The following ROBO1 variants were observed in gnomAD, a reference collection of about 807,000 sequenced individuals.
The protein encoded by ROBO1 is roundabout homolog 1.
In ROBO1, 149 loss-of-function variants were observed where a neutral mutation model predicts 195.9. That is an observed-to-expected ratio of 0.76 (90% CI 0.67 to 0.87). ROBO1 has a LOEUF of 0.87. Among genes scored for constraint, ROBO1 ranks in the 40% least tolerant of loss-of-function variants. The pLI is 0.00. For synonymous variants in ROBO1, 816 were observed against 733.2 expected, an observed-to-expected ratio of 1.11 and a Z score of -1.82; for missense variants, 1,933 against 2,068.3, an observed-to-expected ratio of 0.93 and a Z score of 1.27.
chr3:79,120,881 G>T (rs1424471766), intron 3 of ROBO1, among the ~76,000 whole-genome samples: 1 of 152,094 alleles, frequency 6.6e-6, no homozygotes, highest in Non-Finnish European at 1.5e-5. Flanking sequence ...AACAAATAAA[G>T]TGACAGTAAG....
chr3:79,561,619 G>T (rs1431929212), intron 2 of ROBO1, among the ~76,000 whole-genome samples: 1 of 152,228 alleles, frequency 6.6e-6, no homozygotes, highest in African/African-American at 2.4e-5. Flanking sequence ...AAGGCAACTT[G>T]GTCAGATTTA....
At chr3:78,991,534 T>A (rs1471426198) in intron 3 of ROBO1, among the ~76,000 whole-genome samples, 1 of 152,212 alleles carries the variant, frequency 6.6e-6, no homozygotes. Flanking sequence ...TAGCTGACCC[T>A]TTCCCAGTGA....
chr3:79,320,676 T>C (rs2033941790), intron 2 of ROBO1, among the ~76,000 whole-genome samples: 1 of 152,150 alleles, frequency 6.6e-6, no homozygotes, highest in Non-Finnish European at 1.5e-5. Flanking sequence ...AATCATTCAG[T>C]CCATAAGAAA....
chr3:78,789,562 A>G (rs1424568788), intron 4 of ROBO1, among the ~76,000 whole-genome samples: 1 of 152,174 alleles, frequency 6.6e-6, no homozygotes, highest in Non-Finnish European at 1.5e-5. Context: ...GGTCTCAGAA[A>G]TCCTGTATGT....
chr3:79,255,610 G>T (rs2082819535), intron 2 of ROBO1, among the ~76,000 whole-genome samples: 1 of 152,122 alleles, frequency 6.6e-6, no homozygotes, highest in Non-Finnish European at 1.5e-5. Flanking sequence ...GTGTCACTGT[G>T]TTTTCTCACT....
intron 8 of ROBO1, among the ~76,000 whole-genome samples, chr3:78,713,833 A>T (rs1413371642): frequency 2.0e-5 from 3 of 152,248 alleles, no homozygotes; most frequent in Non-Finnish European, 4.4e-5. Flanking sequence ...TACAACTGCA[A>T]TTCGTTCAAT....
intron 3 of ROBO1, among the ~76,000 whole-genome samples, chr3:79,119,066 G>A (rs544818567): frequency 8.8e-4 from 134 of 152,154 alleles, no homozygotes; most frequent in African/African-American, 2.9e-3. Flanking sequence ...AATTACTAAC[G>A]AGAAATATCT....
chr3:79,627,326 G>A (rs1260495473), intron 1 of ROBO1, among the ~76,000 whole-genome samples: 4 of 152,122 alleles, frequency 2.6e-5, no homozygotes, highest in Non-Finnish European at 5.9e-5. Context: ...GAATAGAACA[G>A]AGACCTCAGA....
At chr3:78,654,945 G>A (rs1330203412) in intron 18 of ROBO1, among the ~76,000 whole-genome samples, 1 of 151,878 alleles carries the variant, frequency 6.6e-6, no homozygotes, top group Non-Finnish European at 1.5e-5. Context: ...ATAAAATTGG[G>A]CAAATATTTG....
rs1332617840 is a variant in ROBO1, at chr3:79,720,941, C to T, written c.-51+46811G>A. 6.6e-5 allele frequency among the ~76,000 whole-genome samples: 10 copies of T among 151,890 alleles called. No individual in the cohort carries two copies. The South Asian group carries it at 1.0e-3, about 16-fold the overall frequency. On this transcript the variant is annotated intron_variant, in intron 1 of 30. Coordinates refer to ENST00000464233, the MANE Select transcript of ROBO1 (RefSeq NM_002941.4). ...CCGAGTAGCTGGGACTACAGGCGCC[C>T]GCCACCGTGCCCGGCTAATTTTTTG... is the stretch of plus-strand genomic sequence containing the variant.
chr3:78,688,629 A>T lies in ROBO1; in HGVS notation c.1170+19T>A. 6.5e-7 allele frequency: 1 copy of T among 1,548,210 alleles called. No homozygotes were observed. The highest frequency in any genetic ancestry group is 1.2e-5 in the South Asian group (1 of 80,572). On this transcript the variant is annotated intron_variant, in intron 9 of 30. Transcript: ENST00000464233. ...CATCTTTGCTGATTTAAAAAAAAAA[A>T]GTTAGAAAAAGGTGGTACCTGACTC...
intron 1 of ROBO1, among the ~76,000 whole-genome samples, chr3:79,706,833 CA>C (rs1947787916): frequency 6.6e-6 from 1 of 152,070 alleles, no homozygotes; most frequent in Non-Finnish European, 1.5e-5. Flanking sequence ...GGTATGTCTT[CA>C]TCAACAGCAT....
intron 2 of ROBO1, among the ~76,000 whole-genome samples, chr3:79,162,202 G>T (rs113685495): frequency 2.2e-4 from 33 of 152,200 alleles, no homozygotes; most frequent in African/African-American, 7.9e-4. Context: ...TTGACTATTT[G>T]TCAGGGCTTG....
intron 4 of ROBO1, among the ~76,000 whole-genome samples, chr3:78,866,904 C>T (rs146375910): frequency 2.2e-3 from 331 of 152,280 alleles, no homozygotes; most frequent in Non-Finnish European, 3.0e-3. Flanking sequence ...TGATACTACA[C>T]GTAGCATCAA....
chr3:78,685,861 C>T lies in ROBO1; in HGVS notation c.1227G>A (p.Gln409=), dbSNP rs778845298. Residue 409 remains glutamine (Q), a synonymous_variant, in exon 10 of 31, where the codon CAG becomes CAA. Transcript: ENST00000464233. ...CATTAGTAATTGTGAGGTCGCCAGT[C>T]TGGGAGACTGAAAATCGGCTGGATG... ...PQSSSRFSVS[Q]TGDLTITNVQ... The T allele has an allele frequency of 6.2e-7, 1 of 1,608,758 alleles. No homozygotes were observed. The highest frequency in any genetic ancestry group is 8.5e-7 in the Non-Finnish European group (1 of 1,176,804).
At chr3:78,861,070 A>C (rs963419518) in intron 4 of ROBO1, among the ~76,000 whole-genome samples, 7 of 152,124 alleles carry the variant, frequency 4.6e-5, no homozygotes, top group Non-Finnish European at 1.0e-4. Flanking sequence ...TTTCCTATAG[A>C]TATATCTGGC....
chr3:79,471,226 C>T (rs1464221414), intron 2 of ROBO1, among the ~76,000 whole-genome samples: 1 of 152,098 alleles, frequency 6.6e-6, no homozygotes, highest in East Asian at 1.9e-4. Context: ...AGGGGAAATG[C>T]TTTATGACAT....
At chr3:79,061,582 C>T (rs906086524) in intron 3 of ROBO1, among the ~76,000 whole-genome samples, 1 of 152,130 alleles carries the variant, frequency 6.6e-6, no homozygotes, top group Non-Finnish European at 1.5e-5. Context: ...GGAGACATCA[C>T]ACTACCTGAC....
chr3:79,150,555 T>C (rs937688380), intron 2 of ROBO1, among the ~76,000 whole-genome samples: 1 of 151,802 alleles, frequency 6.6e-6, no homozygotes, highest in Non-Finnish European at 1.5e-5. Flanking sequence ...AGTTATAAAA[T>C]TAAATACTTA....
Sources: allele counts gnomAD v4.1 joint callset (sites outside exome capture counted in the v4.1 genomes callset), GRCh38; gene constraint gnomAD v4.1.1; transcripts MANE v1.5; gene names NCBI Gene and HGNC (gene_info 2026-07-23, HGNC 2026-07-21).